MACF1: variants seen among roughly 807,000 people sequenced by gnomAD.
MACF1 encodes microtubule-actin cross-linking factor 1.
Under a neutral mutation model 854.8 loss-of-function variants are expected in MACF1, and 193 were observed. The ratio of observed to expected loss-of-function variants is 0.23; its 90% CI spans 0.20 to 0.25. The LOEUF is 0.25. Ranked by LOEUF, MACF1 falls within the 10% of genes least tolerant of loss-of-function variation. MACF1 has a pLI of 1.00. For missense variants in MACF1, 7,722 were observed against 8,929.1 expected (o/e 0.86, Z 5.45); for synonymous variants, 3,185 against 3,226.7 (o/e 0.99, Z 0.44).
chr1:39,429,554 A>G (rs913029529), intron 64 of MACF1, among the ~76,000 whole-genome samples: 4 of 152,154 alleles, frequency 2.6e-5, no homozygotes, highest in Non-Finnish European at 5.9e-5. Context: ...CTCCTTCAGT[A>G]TCTTGAATGC....
At chr1:39,408,747 C>G (rs1191240615) in intron 58 of MACF1, among the ~76,000 whole-genome samples, 3 of 152,098 alleles carry the variant, frequency 2.0e-5, no homozygotes, top group African/African-American at 7.2e-5. Context: ...TCCTTGCGCC[C>G]TCTCCGGGGG....
chr1:39,171,219 GTGTGTGTGTA>G (rs1046606304), intron 2 of MACF1, among the ~76,000 whole-genome samples: 7 of 152,030 alleles, frequency 4.6e-5, no homozygotes, highest in South Asian at 4.2e-4. Context: ...GTGTGTGTGT[GTGTGTGTGTA>G]TGTGTGTGTG....
chr1:39,346,187 C>T (rs183713012), intron 40 of MACF1, among the ~76,000 whole-genome samples: 1 of 151,852 alleles, frequency 6.6e-6, no homozygotes, highest in Non-Finnish European at 1.5e-5. Context: ...ACAGTGAAAC[C>T]CCATCTCTAC....
rs1335115850 is a variant in MACF1 at position 39,332,731 on chromosome 1, A to G, written c.6143A>G (p.Asn2048Ser). Residue 2048 changes from asparagine (N) to serine (S), a missense_variant, in exon 37 of 101, where the codon AAC (asparagine) becomes AGC (serine). Physicochemically the swap from Asn to Ser is conservative, Grantham distance 46 (BLOSUM62 1). Coordinates refer to ENST00000564288, the MANE Select transcript of MACF1 (RefSeq NM_001394062.1). ...RLPEFQFSSQ[N>S]KEYPDREDCT... ...CCTGAGTTCCAGTTTTCTTCTCAGA[A>G]CAAAGAATATCCCGATCGGGAAGAT... 6.2e-7 allele frequency: 1 copy of G among 1,614,206 alleles called. No homozygotes were observed. Among genetic ancestry groups the G allele is most frequent in the Non-Finnish European group, 8.5e-7 (1 of 1,180,024 alleles).
chr1:39,455,771 A>G (rs1570144404), intron 89 of MACF1, among the ~76,000 whole-genome samples: 1 of 152,196 alleles, frequency 6.6e-6, no homozygotes, highest in Non-Finnish European at 1.5e-5. Flanking sequence ...GTGGTCAGTG[A>G]AGGTGCACAT....
At chr1:39,436,889 T>C (rs1431527192) in intron 70 of MACF1, among the ~76,000 whole-genome samples, 1 of 152,254 alleles carries the variant, frequency 6.6e-6, no homozygotes, top group Non-Finnish European at 1.5e-5. Context: ...TCTTCAAGAA[T>C]AAGGTTAGAT....
intron 31 of MACF1, among the ~76,000 whole-genome samples, chr1:39,321,423 G>C (rs1474231761): frequency 6.6e-6 from 1 of 152,136 alleles, no homozygotes; most frequent in Non-Finnish European, 1.5e-5. Flanking sequence ...TTTTTTATGG[G>C]TTCCTTCACA....
intron 40 of MACF1, among the ~76,000 whole-genome samples, chr1:39,346,769 T>G (rs989580587): frequency 6.6e-6 from 1 of 152,144 alleles, no homozygotes; most frequent in Non-Finnish European, 1.5e-5. Flanking sequence ...TCCGCCCACC[T>G]TGGCCTCCCA....
intron 54 of MACF1, 106 bp from the exon 55 acceptor site, chr1:39,380,138 T>C: frequency 9.1e-7 from 1 of 1,102,502 alleles, no homozygotes; most frequent in Non-Finnish European, 1.3e-6. Flanking sequence ...GATAGGATCC[T>C]AGTAGAGTCT....
chr1:39,204,239 A>G (rs1219820642), upstream of MACF1: 3 of 152,224 alleles, frequency 2.0e-5, no homozygotes, highest in Non-Finnish European at 4.4e-5. Context: ...GTGCCTTCCA[A>G]AGTGCTGGGA....
At position 39,281,296 on chromosome 1, in the gene MACF1, G is replaced by A. The variant is rs371899957; in HGVS notation, c.529-912G>A. 1.2e-4 allele frequency among the ~76,000 whole-genome samples: 18 copies of A among 152,074 alleles called. No individual in the cohort carries two copies. The Middle Eastern group carries it at 0.014, about 115-fold the overall frequency. On this transcript the variant is annotated intron_variant, in intron 6 of 100. Coordinates refer to ENST00000564288, the MANE Select transcript of MACF1 (RefSeq NM_001394062.1). The stretch of plus-strand genomic sequence containing the variant: ...TTAGTTTGCTGTATTTCTCACATAC[G>A]TACAGTATTTGCACCTGTATTGCAT...
intron 6 of MACF1, among the ~76,000 whole-genome samples, chr1:39,264,229 G>A (rs1645202963): frequency 1.3e-5 from 2 of 152,266 alleles, no homozygotes; most frequent in Admixed American, 1.3e-4. Flanking sequence ...TAGCAAAGAG[G>A]GTTTTGGGAT....
rs1182375222 is a variant in MACF1 at position 39,435,975 on chromosome 1, G to T, written c.17988+214G>T. On this transcript the variant is annotated intron_variant, in intron 70 of 100. Coordinates refer to ENST00000564288, the MANE Select transcript of MACF1 (RefSeq NM_001394062.1). Reference sequence around the variant, plus strand: ...AGGAGAGTGAAATGAGTCTTGGCTGGTATATATTGTCTGTTGATGGTTTCT... The same window carrying T: ...AGGAGAGTGAAATGAGTCTTGGCTGTTATATATTGTCTGTTGATGGTTTCT... 6 of 538,146 alleles carry T rather than the reference G, an allele frequency of 1.1e-5. No individual in the cohort carries two copies. The East Asian group carries it at 1.8e-4, about 16-fold the overall frequency. 33.3% of individuals were successfully genotyped at this position (538,146 alleles called of 1,614,324 possible). A position where few individuals can be genotyped will look rare whatever the true frequency, so the allele number is the denominator to read the frequency against.
intron 70 of MACF1, among the ~76,000 whole-genome samples, chr1:39,437,012 C>T (rs1311127077): frequency 1.3e-5 from 2 of 152,032 alleles, no homozygotes; most frequent in African/African-American, 4.8e-5. Context: ...AGTCGTGTAG[C>T]ATATTAAGTT....
At chr1:39,444,356 T>A (rs1287345060) in intron 79 of MACF1, among the ~76,000 whole-genome samples, 1 of 152,164 alleles carries the variant, frequency 6.6e-6, no homozygotes, top group East Asian at 1.9e-4. Context: ...AAGTTTTTCT[T>A]CTATGGGTGA....
intron 2 of MACF1, among the ~76,000 whole-genome samples, chr1:39,099,305 A>G (rs1642008798): frequency 6.6e-6 from 1 of 152,078 alleles, no homozygotes; most frequent in Non-Finnish European, 1.5e-5. Context: ...ACAGGTGACC[A>G]CCATCACGCC....
At chr1:39,202,709 A>C (rs142363624), upstream of MACF1, among the ~76,000 whole-genome samples, 4 of 151,646 alleles carry the variant, frequency 2.6e-5, no homozygotes, top group Non-Finnish European at 4.4e-5. Flanking sequence ...AGTATTCTCC[A>C]TAGCATTTAT....
intron 55 of MACF1, 71 bp downstream of exon 55, chr1:39,380,444 C>T: frequency 6.9e-7 from 1 of 1,452,952 alleles, no homozygotes; most frequent in South Asian, 1.2e-5. Flanking sequence ...AATTTCAGCA[C>T]ATCCTATAAA....
intron 49 of MACF1, among the ~76,000 whole-genome samples, chr1:39,366,321 T>A (rs1195239626): frequency 2.6e-5 from 4 of 151,526 alleles, no homozygotes; most frequent in African/African-American, 2.4e-5. Context: ...TTTTCAGGAG[T>A]GTTTTTGATT....
Sources: allele counts gnomAD v4.1 joint callset (sites outside exome capture counted in the v4.1 genomes callset), GRCh38; gene constraint gnomAD v4.1.1; transcripts MANE v1.5; gene names NCBI Gene and HGNC (gene_info 2026-07-23, HGNC 2026-07-21).